Variants in DLGAP2 observed in about 807,000 individuals in gnomAD.
DLGAP2 encodes disks large-associated protein 2.
Under a neutral mutation model 100.3 loss-of-function variants are expected in DLGAP2, and 26 were observed. The observed-to-expected ratio is 0.26, with a 90% confidence interval of 0.19 to 0.36. The LOEUF is 0.36. DLGAP2 is among the 10% of genes least tolerant of loss of function. DLGAP2 has a pLI of 1.00. For synonymous variants in DLGAP2, 886 were observed against 630.1 expected, an observed-to-expected ratio of 1.41 and a Z score of -6.08; for missense variants, 1,858 against 1,453.2, an observed-to-expected ratio of 1.28 and a Z score of -4.53.
chr8:1,162,318 T>G (rs540142959), intron 2 of DLGAP2, among the ~76,000 whole-genome samples: 1 of 152,228 alleles, frequency 6.6e-6, no homozygotes, highest in Admixed American at 6.5e-5. Flanking sequence ...ATTACATGTT[T>G]GTTTCTAGCC....
At chr8:918,092 C>G (rs1415217844) in intron 2 of DLGAP2, among the ~76,000 whole-genome samples, 1 of 152,146 alleles carries the variant, frequency 6.6e-6, no homozygotes, top group Non-Finnish European at 1.5e-5. Context: ...GGTGTAAAAT[C>G]TAAGTGAATT....
chr8:901,005 G>A (rs189095963), intron 1 of DLGAP2, among the ~76,000 whole-genome samples: 1 of 152,302 alleles, frequency 6.6e-6, no homozygotes, highest in East Asian at 1.9e-4. Context: ...GACAAGTCGG[G>A]GTAGGTTGGG....
chr8:1,545,652 C>T (rs1467724146), intron 4 of DLGAP2, among the ~76,000 whole-genome samples: 1 of 152,190 alleles, frequency 6.6e-6, no homozygotes, highest in Admixed American at 6.5e-5. Flanking sequence ...TCTAGTGTTG[C>T]CATTGTTTAC....
intron 4 of DLGAP2, among the ~76,000 whole-genome samples, chr8:1,509,298 T>C (rs1263495710): frequency 6.9e-6 from 1 of 144,194 alleles, no homozygotes; most frequent in Admixed American, 7.1e-5. Context: ...GCCTCTGTGC[T>C]CCGGCCTGGC....
chr8:1,389,941 C>T (rs577775217), intron 3 of DLGAP2, among the ~76,000 whole-genome samples: 6 of 152,134 alleles, frequency 3.9e-5, no homozygotes, highest in South Asian at 2.1e-4. Context: ...CACCCAGCTC[C>T]GGCACAGACA....
chr8:1,479,550 A>C (rs561848419), intron 3 of DLGAP2, among the ~76,000 whole-genome samples: 2 of 152,330 alleles, frequency 1.3e-5, no homozygotes, highest in East Asian at 3.9e-4. Flanking sequence ...GACCTAATTC[A>C]TAAGCAGAGG....
intron 1 of DLGAP2, among the ~76,000 whole-genome samples, chr8:866,285 G>GAT (rs1266679428): frequency 2.0e-5 from 3 of 152,132 alleles, no homozygotes; most frequent in African/African-American, 7.2e-5. Context: ...TTCTACAAGG[G>GAT]GCCCTGATTC....
intron 2 of DLGAP2, among the ~76,000 whole-genome samples, chr8:925,105 G>A (rs1162079635): frequency 1.3e-5 from 2 of 151,956 alleles, no homozygotes; most frequent in African/African-American, 4.8e-5. Context: ...GTGTAGGTGC[G>A]CGTGGGTGAT....
chr8:1,017,359 GCCTCCACTGTGTGTGACCAGGACAGACGA>G lies in DLGAP2; in HGVS notation c.73+109394_73+109422del, dbSNP rs1801481350. ...TGTGTGTGTGACCAGGACAGACGAC[GCCTCCACTGTGTGTGACCAGGACAGACGA>G]TGCCTCCACTGTGTGTGTGACCAGG... On this transcript the variant is annotated intron_variant, in intron 2 of 14. Coordinates refer to ENST00000637795, the MANE Select transcript of DLGAP2 (RefSeq NM_001346810.2). Among the ~76,000 whole-genome samples the G allele has an allele frequency of 8.7e-4, 3 of 3,448 alleles. 1 individual carries two copies. In the African/African-American group the frequency reaches 0.011, roughly 13 times the overall value. 2.3% of individuals were successfully genotyped at this position (3,448 alleles called of 152,430 possible). A position where few individuals can be genotyped will look rare whatever the true frequency, so the allele number is the denominator to read the frequency against.
intron 6 of DLGAP2, among the ~76,000 whole-genome samples, chr8:1,582,251 G>C (rs866158113): frequency 1.1e-5 from 1 of 93,096 alleles, no homozygotes; most frequent in Non-Finnish European, 2.0e-5. Flanking sequence ...ATACAGACAA[G>C]CCCCACACAC....
chr8:1,212,355 G>A (rs1165814232), intron 2 of DLGAP2, among the ~76,000 whole-genome samples: 1 of 152,182 alleles, frequency 6.6e-6, no homozygotes, highest in South Asian at 2.1e-4. Flanking sequence ...TTCCTCTCAG[G>A]CTGAGACCCA....
rs1204231403 is a variant in DLGAP2, at chr8:1,214,720, GAC to G, written c.74-44127_74-44126del. On this transcript the variant is annotated intron_variant, in intron 2 of 14. Coordinates refer to ENST00000637795, the MANE Select transcript of DLGAP2 (RefSeq NM_001346810.2). ...TGCACTGCACCTAGTTCTTCGCACA[GAC>G]ACAGCAGGTGTGCCTTAAGTCTATG... is the stretch of plus-strand genomic sequence containing the variant. Among the ~76,000 whole-genome samples the G allele has an allele frequency of 2.6e-5, 4 of 152,358 alleles. No individual in the cohort carries two copies. In the East Asian group the frequency reaches 7.7e-4, roughly 29 times the overall value.
chr8:956,057 G>A (rs1203733339), intron 2 of DLGAP2, among the ~76,000 whole-genome samples: 1 of 152,172 alleles, frequency 6.6e-6, no homozygotes, highest in Non-Finnish European at 1.5e-5. Flanking sequence ...AAATTCCCTG[G>A]TGGGGCTGTT....
chr8:1,281,730 A>G (rs1159568098), intron 3 of DLGAP2, among the ~76,000 whole-genome samples: 1 of 152,160 alleles, frequency 6.6e-6, no homozygotes, highest in Non-Finnish European at 1.5e-5. Flanking sequence ...CAGATGTCCT[A>G]GCTCCTTGAA....
intron 12 of DLGAP2, among the ~76,000 whole-genome samples, chr8:1,687,256 T>TTAGA (rs1219599417): frequency 3.9e-5 from 6 of 152,180 alleles, no homozygotes; most frequent in South Asian, 2.1e-4. Flanking sequence ...CATACCAAAT[T>TTAGA]TAGATAGAAT....
intron 2 of DLGAP2, among the ~76,000 whole-genome samples, chr8:911,194 C>G (rs1274289503): frequency 6.6e-6 from 1 of 152,140 alleles, no homozygotes; most frequent in Non-Finnish European, 1.5e-5. Flanking sequence ...GGGGTGAGAA[C>G]TTTGGCTCCA....
chr8:1,352,833 G>A (rs1369430003), intron 3 of DLGAP2, among the ~76,000 whole-genome samples: 1 of 152,302 alleles, frequency 6.6e-6, no homozygotes, highest in East Asian at 1.9e-4. Flanking sequence ...CCCATAGTAA[G>A]TCATTCTCTG....
intron 1 of DLGAP2, among the ~76,000 whole-genome samples, chr8:800,379 A>T (rs1281786799): frequency 6.6e-6 from 1 of 152,208 alleles, no homozygotes; most frequent in African/African-American, 2.4e-5. Flanking sequence ...AATCAGCTAG[A>T]TGTGGGCTGT....
chr8:1,539,904 T>G (rs952814918), intron 4 of DLGAP2, among the ~76,000 whole-genome samples: 2 of 151,916 alleles, frequency 1.3e-5, no homozygotes, highest in Non-Finnish European at 2.9e-5. Context: ...CAGTCCATCC[T>G]CAACAGCCAG....
Sources: allele counts gnomAD v4.1 joint callset (sites outside exome capture counted in the v4.1 genomes callset), GRCh38; gene constraint gnomAD v4.1.1; transcripts MANE v1.5; gene names NCBI Gene and HGNC (gene_info 2026-07-23, HGNC 2026-07-21).